HYDIN: variants seen among roughly 807,000 people sequenced by gnomAD.
HYDIN encodes the protein axonemal central pair apparatus protein HYDIN.
Under a neutral mutation model 403.9 loss-of-function variants are expected in HYDIN, and 132 were observed. That is an observed-to-expected ratio of 0.33 (90% CI 0.28 to 0.38). HYDIN has a LOEUF of 0.38. Among genes scored for constraint, HYDIN ranks in the 10% least tolerant of loss-of-function variants. The pLI is 1.00. For missense variants in HYDIN, 2,827 were observed against 5,009.5 expected, an observed-to-expected ratio of 0.56 and a Z score of 13.15; for synonymous variants, 1,202 against 1,891.7, an observed-to-expected ratio of 0.64 and a Z score of 9.46.
At chr16:71,133,464 A>T (rs2075776261) in intron 8 of HYDIN, among the ~76,000 whole-genome samples, 1 of 152,230 alleles carries the variant, frequency 6.6e-6, no homozygotes, top group Non-Finnish European at 1.5e-5. Flanking sequence ...GTTTATTATG[A>T]CACAGGTGGT....
At chr16:70,893,202 C>T (rs901497020) in intron 55 of HYDIN, among the ~76,000 whole-genome samples, 1 of 152,214 alleles carries the variant, frequency 6.6e-6, no homozygotes, top group Non-Finnish European at 1.5e-5. Context: ...CCCTCTATCA[C>T]CTGTTCCAAC....
At chr16:71,136,771 AAAAAAAAAAC>A (rs386791937) in intron 8 of HYDIN, among the ~76,000 whole-genome samples, 2 of 150,562 alleles carry the variant, frequency 1.3e-5, no homozygotes, top group Non-Finnish European at 3.0e-5. Flanking sequence ...CATCTCAAAA[AAAAAAAAAAC>A]AAAAAAAACA....
intron 8 of HYDIN, among the ~76,000 whole-genome samples, chr16:71,133,626 G>C (rs1233203054): frequency 6.6e-6 from 1 of 152,186 alleles, no homozygotes; most frequent in Non-Finnish European, 1.5e-5. Flanking sequence ...AATTAGAGCT[G>C]GCTGCTATTG....
At chr16:70,860,992 A>G (rs2039375451) in intron 69 of HYDIN, 91 bp from the exon 70 acceptor site, 1 of 972,132 alleles carries the variant, frequency 1.0e-6, no homozygotes, top group South Asian at 1.5e-5. Context: ...ATCCACCAGA[A>G]TGTGAGCTCT....
At chr16:71,200,070 T>C (rs2087914504) in intron 1 of HYDIN, among the ~76,000 whole-genome samples, 1 of 152,156 alleles carries the variant, frequency 6.6e-6, no homozygotes, top group Non-Finnish European at 1.5e-5. Context: ...TGACCTCTGG[T>C]CGTCTTCACT....
chr16:71,037,283 T>A (rs2144180022), intron 18 of HYDIN, among the ~76,000 whole-genome samples: 1 of 143,168 alleles, frequency 7.0e-6, no homozygotes, highest in East Asian at 2.0e-4. Flanking sequence ...TTTCCCCAAA[T>A]CTGAAATGCC....
At chr16:70,855,070 T>G in intron 73 of HYDIN, 58 bp downstream of exon 73, 1 of 735,164 alleles carries the variant, frequency 1.4e-6, no homozygotes, top group Non-Finnish European at 2.3e-6. Flanking sequence ...CTGGCAGGCT[T>G]GGGGTCCTGG....
Position 70,868,971 on chromosome 16 carries a change from TAAC to T in HYDIN, c.11092-186_11092-184del, listed in dbSNP as rs1374902465. Among the ~76,000 whole-genome samples the T allele has an allele frequency of 3.1e-5, 4 of 127,762 alleles. No homozygotes were observed. In the East Asian group the frequency reaches 9.2e-4, roughly 29 times the overall value. 83.8% of individuals were successfully genotyped at this position (127,762 alleles called of 152,430 possible). On this transcript the variant is annotated intron_variant, in intron 65 of 85. Transcript: ENST00000393567. ...ATCTTAGGTAGAAACATAATAATAA[TAAC>T]AAGAACAACTAATATTTATCAAATG...
intron 12 of HYDIN, among the ~76,000 whole-genome samples, chr16:71,086,660 T>G (rs1359889796): frequency 6.6e-6 from 1 of 152,236 alleles, no homozygotes; most frequent in Non-Finnish European, 1.5e-5. Context: ...AAGGCTTGCT[T>G]ATGATACTGG....
At position 70,818,362 on chromosome 16, in the gene HYDIN, C is replaced by G; in HGVS notation, c.14638G>C (p.Val4880Leu). ...CGTACCTCGGAGTTGGCAGGCACCA[C>G]AAACTGGGAGGGCAGGGCGATGTCG... The part of the protein sequence containing the change: ...MPDIALPSQF[V>L]VPANSEGTFS... Residue 4880 changes from valine to leucine, a missense_variant, in exon 84 of 86, where the codon GTG becomes CTG. By Grantham distance (32) the Val-to-Leu change is conservative. Coordinates refer to ENST00000393567, the MANE Select transcript of HYDIN (RefSeq NM_001270974.2). 4 of 1,613,516 alleles carry G rather than the reference C, an allele frequency of 2.5e-6. No individual in the cohort carries two copies. Among genetic ancestry groups the G allele is most frequent in the Non-Finnish European group, 3.4e-6 (4 of 1,179,702 alleles).
Position 71,062,158 on chromosome 16 carries a change from T to A in HYDIN, c.2376+11A>T. ...GCAATTTCAATTGCAGTTCTGAAAA[T>A]GGACTCTCACCAAAGGGGGGTCCTG... On this transcript the variant is annotated intron_variant, in intron 17 of 85. Transcript: ENST00000393567. The A allele has an allele frequency of 9.3e-7, 1 of 1,072,544 alleles. No homozygotes were observed. 66.4% of individuals were successfully genotyped at this position (1,072,544 alleles called of 1,614,324 possible).
At chr16:71,209,954 T>C (rs1031945359) in intron 1 of HYDIN, among the ~76,000 whole-genome samples, 1 of 152,202 alleles carries the variant, frequency 6.6e-6, no homozygotes, top group African/African-American at 2.4e-5. Context: ...AAAGGGGCCA[T>C]ACTGCCCAAA....
intron 10 of HYDIN, 111 bp from the exon 11 acceptor site, chr16:71,094,046 T>C: frequency 1.3e-6 from 1 of 775,302 alleles, no homozygotes; most frequent in African/African-American, 1.8e-5. Flanking sequence ...AATAGCTCCC[T>C]GCATTGCACC....
chr16:71,085,121 A>T (rs2144354996), intron 12 of HYDIN, among the ~76,000 whole-genome samples: 1 of 98,272 alleles, frequency 1.0e-5, no homozygotes, highest in Admixed American at 1.2e-4. Context: ...TCATAAAATG[A>T]GTTGAAAAGT....
chr16:71,181,672 G>A (rs1159575953), intron 3 of HYDIN, among the ~76,000 whole-genome samples: 2 of 152,054 alleles, frequency 1.3e-5, no homozygotes, highest in African/African-American at 4.8e-5. Flanking sequence ...AGAGCACAAA[G>A]CAAATATTTA....
chr16:70,892,642 A>C lies in HYDIN; in HGVS notation c.9249-113T>G, dbSNP rs564964162. On this transcript the variant is annotated intron_variant, in intron 55 of 85. Transcript: ENST00000393567. ...GCTGTGTTTCCAGCCCTGTTTAGCCACTACGTCCGGCGGAGTCCACTGTGC... is the reference window on the plus strand; with the variant it reads ...GCTGTGTTTCCAGCCCTGTTTAGCCCCTACGTCCGGCGGAGTCCACTGTGC... The C allele has an allele frequency of 2.5e-3, 2,529 of 1,026,644 alleles. 11 individuals carry two copies. Among genetic ancestry groups the C allele is most frequent in the Non-Finnish European group, 3.2e-3 (2,319 of 724,752 alleles). 63.6% of individuals were successfully genotyped at this position (1,026,644 alleles called of 1,614,324 possible). A position where few individuals can be genotyped will look rare whatever the true frequency, so the allele number is the denominator to read the frequency against.
At chr16:71,064,586 A>C in intron 16 of HYDIN, 119 bp downstream of exon 16, 1 of 896,308 alleles carries the variant, frequency 1.1e-6, no homozygotes, top group Admixed American at 2.8e-5. Flanking sequence ...AAGGGTTAAA[A>C]ATCAGCATTA....
At chr16:71,037,074 C>T (rs2081113736) in intron 18 of HYDIN, among the ~76,000 whole-genome samples, 1 of 151,342 alleles carries the variant, frequency 6.6e-6, no homozygotes, top group South Asian at 2.1e-4. Context: ...CCCTGCTCTG[C>T]TGCTTTCCAG....
intron 18 of HYDIN, among the ~76,000 whole-genome samples, chr16:71,060,174 G>A (rs557468310): frequency 1.7e-4 from 25 of 151,260 alleles, no homozygotes; most frequent in African/African-American, 5.3e-4. Context: ...GTTGACCTCC[G>A]AAGCATCTTC....
Sources: gnomAD v4.1 joint callset for allele counts (sites outside exome capture counted in the v4.1 genomes callset) on GRCh38, gnomAD v4.1.1 for gene constraint, MANE v1.5 for transcripts, NCBI Gene and HGNC (gene_info 2026-07-23, HGNC 2026-07-21) for gene names.